Variants in UBE2O observed in about 807,000 individuals in gnomAD.
The protein encoded by UBE2O is ubiquitin conjugating enzyme E2 O, also known as (E3-independent) E2 ubiquitin-conjugating enzyme.
UBE2O carries 15 observed loss-of-function variants against 125.8 expected under a neutral mutation model. The ratio of observed to expected loss-of-function variants is 0.12; its 90% CI spans 0.08 to 0.18. The LOEUF (loss-of-function observed/expected upper bound fraction) is 0.18. Among genes scored for constraint, UBE2O ranks in the 10% least tolerant of loss-of-function variants. The pLI is 1.00. For missense variants in UBE2O, 1,280 were observed against 1,723.6 expected (o/e 0.74, Z 4.56); for synonymous variants, 708 against 703.2 (o/e 1.01, Z -0.11).
At chr17:76,420,407 G>A (rs571712594) in intron 1 of UBE2O, among the ~76,000 whole-genome samples, 3 of 151,824 alleles carry the variant, frequency 2.0e-5, no homozygotes, top group East Asian at 1.9e-4. Flanking sequence ...TTCCTGCATC[G>A]TTTTGTTTTC....
rs1008647076 is a variant in UBE2O at position 76,399,316 on chromosome 17, G to A, written c.1628+133C>T. On this transcript the variant is annotated intron_variant, in intron 9 of 17. Transcript: ENST00000319380. The surrounding 1 kb of genome is among the most constrained non-coding windows in gnomAD (Gnocchi z 6.9). Reference sequence around the variant, plus strand: ...CTACCCCAGGCACCTACGTTGTCTCGGGTGGGAGCCCCGGAGCCACTACAA... The same window carrying A: ...CTACCCCAGGCACCTACGTTGTCTCAGGTGGGAGCCCCGGAGCCACTACAA... 36 of 927,318 alleles carry A rather than the reference G, an allele frequency of 3.9e-5. No homozygotes were observed. The highest frequency in any genetic ancestry group is 5.0e-5 in the Non-Finnish European group (31 of 617,258). 57.4% of individuals were successfully genotyped at this position (927,318 alleles called of 1,614,324 possible). A position where few individuals can be genotyped will look rare whatever the true frequency, so the allele number is the denominator to read the frequency against.
rs1008909795 is a variant in UBE2O, at chr17:76,410,863, C to T, written c.418-5291G>A. ...AATAACACAGCAAAAGCAACTAGCTCGTCCTGCAGCTCCTGGTCCAGACTC... is the reference window on the plus strand; with the variant it reads ...AATAACACAGCAAAAGCAACTAGCTTGTCCTGCAGCTCCTGGTCCAGACTC... On this transcript the variant is annotated intron_variant, in intron 1 of 17. Coordinates refer to ENST00000319380, the MANE Select transcript of UBE2O (RefSeq NM_022066.4). The surrounding 1 kb of genome is among the most constrained non-coding windows in gnomAD (Gnocchi z 4.0). Among the ~76,000 whole-genome samples the T allele has an allele frequency of 6.6e-6, 1 of 152,198 alleles. No homozygotes were observed. Among genetic ancestry groups the T allele is most frequent in the Non-Finnish European group, 1.5e-5 (1 of 68,040 alleles).
chr17:76,396,754 C>T lies in UBE2O; in HGVS notation c.2183G>A (p.Gly728Glu). The T allele has an allele frequency of 1.3e-5, 21 of 1,613,764 alleles. No individual in the cohort carries two copies. The highest frequency in any genetic ancestry group is 1.8e-5 in the Non-Finnish European group (21 of 1,179,798). ...ATCTTCCCATTCATCCGAGGATGCCCCGCTGGTGCTGCCTTCTACCGAATC... is the reference window on the plus strand; with the variant it reads ...ATCTTCCCATTCATCCGAGGATGCCTCGCTGGTGCTGCCTTCTACCGAATC... ...DYDSVEGSTS[G>E]ASSDEWEDDS... Residue 728 changes from glycine (G) to glutamate (E), a missense_variant, in exon 14 of 18, where the codon GGG becomes GAG. Gly to Glu is a moderately conservative substitution (Grantham distance 98). Transcript: ENST00000319380. This position sits in a 1 kb window ranked among gnomAD's most constrained non-coding sequence, Gnocchi z 6.7.
intron 1 of UBE2O, among the ~76,000 whole-genome samples, chr17:76,406,567 A>G (rs1447028615): frequency 6.6e-6 from 1 of 151,806 alleles, no homozygotes; most frequent in Non-Finnish European, 1.5e-5. Flanking sequence ...GCTGGCAATG[A>G]CAACTAAAAC....
At chr17:76,443,922 G>A (rs1598623718) in intron 1 of UBE2O, among the ~76,000 whole-genome samples, 1 of 152,248 alleles carries the variant, frequency 6.6e-6, no homozygotes, top group East Asian at 1.9e-4. Flanking sequence ...AGGAAATACC[G>A]TTAAGAGGGC....
intron 1 of UBE2O, among the ~76,000 whole-genome samples, chr17:76,439,108 C>T (rs527520904): frequency 2.4e-4 from 37 of 152,338 alleles, no homozygotes; most frequent in African/African-American, 7.5e-4. Context: ...GTGGCCTTTC[C>T]AGGGGCAGCT....
chr17:76,395,622 G>A lies in UBE2O; in HGVS notation c.2946+103C>T. 1.4e-6 allele frequency: 2 copies of A among 1,425,274 alleles called. No individual in the cohort carries two copies. The highest frequency in any genetic ancestry group is 1.9e-6 in the Non-Finnish European group (2 of 1,057,672). The allele number at this position is 1,425,274 out of a possible 1,614,324, so 88.3% of individuals were successfully genotyped here. A position where few individuals can be genotyped will look rare whatever the true frequency, so the allele number is the denominator to read the frequency against. ...GGTGGGTGGGTGAGTGTCCTCGCAG[G>A]TGCCAGTCAGCCCCGGAGGTTTGGG... On this transcript the variant is annotated intron_variant, in intron 15 of 17. Coordinates refer to ENST00000319380, the MANE Select transcript of UBE2O (RefSeq NM_022066.4). This position sits in a 1 kb window ranked among gnomAD's most constrained non-coding sequence, Gnocchi z 5.0.
intron 1 of UBE2O, among the ~76,000 whole-genome samples, chr17:76,438,859 C>A (rs529723558): frequency 6.6e-6 from 1 of 152,248 alleles, no homozygotes; most frequent in African/African-American, 2.4e-5. Flanking sequence ...TAGCACTCCA[C>A]GCCATGCATG....
chr17:76,418,765 TTC>T (rs2143794297), intron 1 of UBE2O, among the ~76,000 whole-genome samples: 1 of 152,236 alleles, frequency 6.6e-6, no homozygotes, highest in South Asian at 2.1e-4. Flanking sequence ...GAGACAGGGT[TTC>T]ACCGTGTTGG....
rs893486065 is a variant in UBE2O, at chr17:76,401,782, C to T, written c.750+282G>A. 5 of 238,604 alleles carry T rather than the reference C, an allele frequency of 2.1e-5. No homozygotes were observed. In the South Asian group the frequency reaches 5.2e-4, roughly 25 times the overall value. The allele number at this position is 238,604 out of a possible 1,614,324, so 14.8% of individuals were successfully genotyped here. On this transcript the variant is annotated intron_variant, in intron 5 of 17. Coordinates refer to ENST00000319380, the MANE Select transcript of UBE2O (RefSeq NM_022066.4). ...TCCCAGCTACTCGGGAGGCTGAGGCCAAAGAATCACTTGAACCCGGGAGGT... is the reference window on the plus strand; with the variant it reads ...TCCCAGCTACTCGGGAGGCTGAGGCTAAAGAATCACTTGAACCCGGGAGGT...
intron 1 of UBE2O, among the ~76,000 whole-genome samples, chr17:76,435,984 C>T (rs561173963): frequency 1.2e-3 from 185 of 152,364 alleles, no homozygotes; most frequent in Non-Finnish European, 2.0e-3. Flanking sequence ...CGGTGGCTCA[C>T]GCCTGTAATC....
chr17:76,403,424 G>A (rs2072363756), intron 3 of UBE2O, among the ~76,000 whole-genome samples: 1 of 151,848 alleles, frequency 6.6e-6, no homozygotes, highest in South Asian at 2.1e-4. Context: ...ATGCATCACC[G>A]TGCCTGGCCA....
chr17:76,401,538 T>C (rs1347417815), intron 5 of UBE2O, among the ~76,000 whole-genome samples: 1 of 151,986 alleles, frequency 6.6e-6, no homozygotes, highest in Admixed American at 6.6e-5. Flanking sequence ...AGAGACAAAG[T>C]GGAACCTTAA....
chr17:76,415,675 C>T (rs369400615), intron 1 of UBE2O, among the ~76,000 whole-genome samples: 10 of 151,944 alleles, frequency 6.6e-5, no homozygotes, highest in South Asian at 2.1e-4. Context: ...TGTGGTGGTG[C>T]GCACCTGTAA....
intron 12 of UBE2O, 32 bp from the exon 13 acceptor site, chr17:76,397,920 C>T (rs1208964800): frequency 6.2e-7 from 1 of 1,608,940 alleles, no homozygotes; most frequent in African/African-American, 1.3e-5. Flanking sequence ...GTCAGGGGGC[C>T]CAGCTCAAGC....
chr17:76,411,045 G>GGGTGGGTGGGA, intron 1 of UBE2O, among the ~76,000 whole-genome samples: 1 of 151,820 alleles, frequency 6.6e-6, no homozygotes, highest in South Asian at 2.1e-4. Context: ...GTGGGGGAGG[G>GGGTGGGTGGGA]GGTGGGTGGG....
chr17:76,393,115 G>T (rs2143666901), intron 15 of UBE2O, among the ~76,000 whole-genome samples: 1 of 151,128 alleles, frequency 6.6e-6, no homozygotes, highest in Middle Eastern at 3.5e-3. Context: ...AAAATTAGCT[G>T]GGCATGGTGG....
Position 76,396,047 on chromosome 17 carries a change from A to C in UBE2O, c.2809+81T>G, listed in dbSNP as rs1384273953. On this transcript the variant is annotated intron_variant, in intron 14 of 17. Coordinates refer to ENST00000319380, the MANE Select transcript of UBE2O (RefSeq NM_022066.4). The surrounding 1 kb of genome is among the most constrained non-coding windows in gnomAD (Gnocchi z 6.7). Reference sequence around the variant, plus strand: ...CTGGGGTCTGGCGAGGGGACTAACCACCCTGCACCCAGATCTGGTGACACA... The same window carrying C: ...CTGGGGTCTGGCGAGGGGACTAACCCCCCTGCACCCAGATCTGGTGACACA... 1 of 1,524,322 alleles carries C rather than the reference A, an allele frequency of 6.6e-7. No individual in the cohort carries two copies. The highest frequency in any genetic ancestry group is 2.3e-5 in the East Asian group (1 of 43,938). 94.4% of individuals were successfully genotyped at this position (1,524,322 alleles called of 1,614,324 possible).
Position 76,402,195 on chromosome 17 carries a change from G to C in UBE2O, c.687-68C>G, listed in dbSNP as rs1370164117. 1 of 1,474,768 alleles carries C rather than the reference G, an allele frequency of 6.8e-7. No homozygotes were observed. The highest frequency in any genetic ancestry group is 1.4e-5 in the African/African-American group (1 of 71,752). 91.4% of individuals were successfully genotyped at this position (1,474,768 alleles called of 1,614,324 possible). On this transcript the variant is annotated intron_variant, in intron 4 of 17. Coordinates refer to ENST00000319380, the MANE Select transcript of UBE2O (RefSeq NM_022066.4). The surrounding 1 kb of genome is among the most constrained non-coding windows in gnomAD (Gnocchi z 5.4). ...GTGAGTACCAAAAAGTTGCGATTCTGAGATGCCAATGCGCCCACATGCCCT... is the reference window on the plus strand; with the variant it reads ...GTGAGTACCAAAAAGTTGCGATTCTCAGATGCCAATGCGCCCACATGCCCT...
Sources: gnomAD v4.1 joint callset for allele counts (sites outside exome capture counted in the v4.1 genomes callset) on GRCh38, gnomAD v4.1.1 for gene constraint, Gnocchi (gnomAD v3.1) non-coding constraint, MANE v1.5 for transcripts, NCBI Gene and HGNC (gene_info 2026-07-23, HGNC 2026-07-21) for gene names.